Variants in ROBO2 observed in about 807,000 individuals in gnomAD.
ROBO2 encodes roundabout homolog 2.
Under a neutral mutation model 160.8 loss-of-function variants are expected in ROBO2, and 53 were observed. The ratio of observed to expected loss-of-function variants is 0.33; its 90% CI spans 0.26 to 0.41. ROBO2 has a LOEUF of 0.41. Ranked by LOEUF, ROBO2 falls within the 10% of genes least tolerant of loss-of-function variation. The pLI, the probability that ROBO2 is intolerant of heterozygous loss-of-function variation, is 1.00. For synonymous variants in ROBO2, 664 were observed against 611.7 expected (o/e 1.09, Z -1.26); for missense variants, 1,577 against 1,722.4 (o/e 0.92, Z 1.49).
At chr3:76,797,868 A>C (rs2063820312) in intron 2 of ROBO2, among the ~76,000 whole-genome samples, 1 of 151,960 alleles carries the variant, frequency 6.6e-6, no homozygotes, top group Non-Finnish European at 1.5e-5. Flanking sequence ...AGATTCAACC[A>C]TGAAGAAATG....
chr3:77,560,264 T>A (rs2093277693), intron 9 of ROBO2, among the ~76,000 whole-genome samples: 1 of 152,004 alleles, frequency 6.6e-6, no homozygotes, highest in African/African-American at 2.4e-5. Context: ...GATGATGGAA[T>A]TTGCCTGCAC....
chr3:77,054,240 C>T (rs904239710), intron 1 of ROBO2, among the ~76,000 whole-genome samples: 7 of 152,114 alleles, frequency 4.6e-5, no homozygotes, highest in Non-Finnish European at 7.4e-5. Flanking sequence ...AAATTTCTAC[C>T]ATCTGTCAGT....
chr3:76,089,774 A>G (rs2069154461), intron 2 of ROBO2, among the ~76,000 whole-genome samples: 1 of 152,158 alleles, frequency 6.6e-6, no homozygotes, highest in South Asian at 2.1e-4. Context: ...ATCAGGAACA[A>G]TGCAAGAAGA....
intron 2 of ROBO2, among the ~76,000 whole-genome samples, chr3:77,471,182 C>G (rs182854451): frequency 7.2e-5 from 11 of 152,072 alleles, no homozygotes; most frequent in African/African-American, 2.7e-4. Flanking sequence ...ATTGTCATTG[C>G]TAATTTGTTT....
intron 2 of ROBO2, among the ~76,000 whole-genome samples, chr3:76,414,846 T>A (rs1342180073): frequency 6.6e-6 from 1 of 150,766 alleles, no homozygotes. Context: ...ACAAAAAAAA[T>A]TATTCTAAGG....
chr3:77,262,672 T>C (rs1447002625), intron 2 of ROBO2, among the ~76,000 whole-genome samples: 1 of 152,090 alleles, frequency 6.6e-6, no homozygotes, highest in Non-Finnish European at 1.5e-5. Flanking sequence ...CAAAAAAAGC[T>C]TCCCAGAAAA....
intron 2 of ROBO2, among the ~76,000 whole-genome samples, chr3:77,343,195 G>T (rs190242859): frequency 1.3e-5 from 2 of 152,038 alleles, no homozygotes; most frequent in Non-Finnish European, 2.9e-5. Flanking sequence ...GGGGGTTAGG[G>T]CTTTAACATA....
At chr3:76,741,014 A>C (rs2093793525) in intron 2 of ROBO2, among the ~76,000 whole-genome samples, 1 of 152,102 alleles carries the variant, frequency 6.6e-6, no homozygotes, top group African/African-American at 2.4e-5. Context: ...ATGGCTTACT[A>C]CAAATAGTAT....
intron 2 of ROBO2, among the ~76,000 whole-genome samples, chr3:75,997,645 C>T (rs1330277562): frequency 6.6e-6 from 1 of 151,978 alleles, no homozygotes; most frequent in East Asian, 1.9e-4. Flanking sequence ...GCGCCCGCCA[C>T]CATGCCTGGC....
chr3:77,553,068 G>T (rs1379364998), intron 8 of ROBO2, among the ~76,000 whole-genome samples: 1 of 151,818 alleles, frequency 6.6e-6, no homozygotes, highest in Non-Finnish European at 1.5e-5. Context: ...AAGGTTTATG[G>T]CAACCCTGGG....
At chr3:76,435,605 A>G (rs748677220) in intron 2 of ROBO2, among the ~76,000 whole-genome samples, 6 of 152,168 alleles carry the variant, frequency 3.9e-5, no homozygotes, top group Admixed American at 1.3e-4. Context: ...GGGGTGGGAT[A>G]GCAGGTCAGT....
At position 76,292,884 on chromosome 3, in the gene ROBO2, A is replaced by T. The variant is rs182824219; in HGVS notation, c.109+355282A>T. ...TGTAGTGATCTTATTGTACTGACCTACCTTGTTACAAGTGACCATGCCGAT... is the reference window on the plus strand; with the variant it reads ...TGTAGTGATCTTATTGTACTGACCTTCCTTGTTACAAGTGACCATGCCGAT... On this transcript the variant is annotated intron_variant, in intron 2 of 26. Transcript: ENST00000487694. Among the ~76,000 whole-genome samples the T allele has an allele frequency of 1.7e-3, 262 of 151,950 alleles. 1 individual carries two copies. The highest frequency in any genetic ancestry group is 6.1e-3 in the African/African-American group (252 of 41,470).
intron 2 of ROBO2, among the ~76,000 whole-genome samples, chr3:76,748,082 AC>A (rs1183003005): frequency 6.6e-6 from 1 of 151,932 alleles, no homozygotes; most frequent in Non-Finnish European, 1.5e-5. Flanking sequence ...TAGTCAAAAA[AC>A]ATCTTGATTC....
At chr3:76,172,977 A>T (rs980048097) in intron 2 of ROBO2, among the ~76,000 whole-genome samples, 1 of 151,952 alleles carries the variant, frequency 6.6e-6, no homozygotes, top group Non-Finnish European at 1.5e-5. Context: ...GGACCTCAGT[A>T]AAAAAAGTCA....
At chr3:77,203,048 C>CCA (rs1225611093) in intron 2 of ROBO2, among the ~76,000 whole-genome samples, 1 of 152,162 alleles carries the variant, frequency 6.6e-6, no homozygotes, top group Non-Finnish European at 1.5e-5. Context: ...AATATCAAGT[C>CCA]ATGGTGTAAA....
intron 2 of ROBO2, among the ~76,000 whole-genome samples, chr3:76,161,291 C>T (rs1277600555): frequency 6.6e-6 from 1 of 152,024 alleles, no homozygotes; most frequent in Non-Finnish European, 1.5e-5. Flanking sequence ...GAAAAAAGAA[C>T]AACTCTTTAT....
chr3:76,427,574 T>A (rs1468202308), intron 2 of ROBO2, among the ~76,000 whole-genome samples: 2 of 152,146 alleles, frequency 1.3e-5, no homozygotes, highest in Non-Finnish European at 2.9e-5. Context: ...AATTCCCAGT[T>A]GTGATGTCAA....
chr3:77,389,069 C>T (rs1038385375), intron 2 of ROBO2, among the ~76,000 whole-genome samples: 42 of 152,202 alleles, frequency 2.8e-4, no homozygotes, highest in African/African-American at 9.6e-4. Flanking sequence ...CTCAGCCTCC[C>T]GAGTAGCTGG....
At chr3:76,003,317 T>A (rs977478155) in intron 2 of ROBO2, among the ~76,000 whole-genome samples, 5 of 152,320 alleles carry the variant, frequency 3.3e-5, no homozygotes, top group Non-Finnish European at 4.4e-5. Flanking sequence ...AGACAGGCTC[T>A]TTCAATTTAT....
Sources: gnomAD v4.1 joint callset for allele counts (sites outside exome capture counted in the v4.1 genomes callset) on GRCh38, gnomAD v4.1.1 for gene constraint, MANE v1.5 for transcripts, NCBI Gene and HGNC (gene_info 2026-07-23, HGNC 2026-07-21) for gene names.